RBMS3: variants seen among roughly 807,000 people sequenced by gnomAD.
RBMS3 encodes RNA binding motif single stranded interacting protein 3.
RBMS3 carries 27 observed loss-of-function variants against 66.8 expected under a neutral mutation model. The ratio of observed to expected loss-of-function variants is 0.40; its 90% CI spans 0.30 to 0.56. The LOEUF (loss-of-function observed/expected upper bound fraction) is 0.56, where lower values mean the gene tolerates loss of function less well. RBMS3 is among the 20% of genes least tolerant of loss of function. The pLI is 0.40. For missense variants in RBMS3, 513 were observed against 549.5 expected (o/e 0.93, Z 0.66); for synonymous variants, 188 against 183.0 (o/e 1.03, Z -0.22).
intron 5 of RBMS3, among the ~76,000 whole-genome samples, chr3:29,742,709 G>C (rs1020472621): frequency 2.6e-5 from 4 of 152,142 alleles, no homozygotes; most frequent in African/African-American, 9.7e-5. Context: ...CAAATGGATT[G>C]TACATTTCCT....
intron 1 of RBMS3, among the ~76,000 whole-genome samples, chr3:29,306,096 G>C (rs1439822924): frequency 6.6e-6 from 1 of 151,920 alleles, no homozygotes; most frequent in Non-Finnish European, 1.5e-5. Context: ...GAAAATCTCT[G>C]TTCTGAAAAT....
intron 4 of RBMS3, among the ~76,000 whole-genome samples, chr3:29,624,945 T>C (rs1190249673): frequency 6.6e-6 from 1 of 152,154 alleles, no homozygotes; most frequent in African/African-American, 2.4e-5. Context: ...GTAATCCCTA[T>C]GTGTTGAGGG....
intron 1 of RBMS3, among the ~76,000 whole-genome samples, chr3:29,360,142 G>T (rs2125578759): frequency 6.6e-6 from 1 of 152,138 alleles, no homozygotes; most frequent in Middle Eastern, 3.4e-3. Context: ...TGATGTTAGG[G>T]TGTCAATTTT....
chr3:29,872,808 A>G (rs1182241080), intron 7 of RBMS3, among the ~76,000 whole-genome samples: 1 of 152,170 alleles, frequency 6.6e-6, no homozygotes. Context: ...AATTTTCTGC[A>G]TATGGTGAGC....
intron 4 of RBMS3, among the ~76,000 whole-genome samples, chr3:29,731,273 G>C (rs1488407989): frequency 6.6e-6 from 1 of 152,182 alleles, no homozygotes; most frequent in Non-Finnish European, 1.5e-5. Context: ...TCCGAAATAA[G>C]TAAATGCTTC....
intron 1 of RBMS3, among the ~76,000 whole-genome samples, chr3:29,350,192 T>C (rs36064850): frequency 0.24 from 36,488 of 151,436 alleles, 4,898 homozygotes; most frequent in Non-Finnish European, 0.3. Context: ...GTTGTTCATT[T>C]TGAACATTTT....
intron 7 of RBMS3, among the ~76,000 whole-genome samples, chr3:29,871,547 T>C (rs1160130092): frequency 6.6e-6 from 1 of 152,112 alleles, no homozygotes; most frequent in African/African-American, 2.4e-5. Context: ...GGGGTGTTTG[T>C]TTTTGCTTGT....
intron 3 of RBMS3, among the ~76,000 whole-genome samples, chr3:29,540,019 C>G (rs2045700559): frequency 6.6e-6 from 1 of 152,000 alleles, no homozygotes; most frequent in African/African-American, 2.4e-5. Context: ...TATTCTGTTG[C>G]TTTTTTACTG....
intron 3 of RBMS3, among the ~76,000 whole-genome samples, chr3:29,575,510 T>C (rs942099755): frequency 7.2e-5 from 11 of 152,278 alleles, no homozygotes; most frequent in Admixed American, 4.6e-4. Context: ...TGGTGTTCTA[T>C]AACTTTCTTG....
chr3:29,401,230 C>T (rs1461445160), intron 1 of RBMS3, among the ~76,000 whole-genome samples: 3 of 152,024 alleles, frequency 2.0e-5, no homozygotes, highest in East Asian at 3.9e-4. Flanking sequence ...AATTTTCCCT[C>T]ATTTATTGTC....
At chr3:29,664,084 A>G (rs943311640) in intron 4 of RBMS3, among the ~76,000 whole-genome samples, 1 of 152,198 alleles carries the variant, frequency 6.6e-6, no homozygotes, top group Non-Finnish European at 1.5e-5. Flanking sequence ...ACTTCTGATC[A>G]TGAATTTCAC....
chr3:29,938,403 A>G (rs2061317350), intron 11 of RBMS3, among the ~76,000 whole-genome samples: 1 of 151,958 alleles, frequency 6.6e-6, no homozygotes, highest in South Asian at 2.1e-4. Context: ...TTCACCCTTT[A>G]CATTTGTTCT....
At chr3:29,421,981 T>C (rs2040758087) in intron 1 of RBMS3, among the ~76,000 whole-genome samples, 1 of 152,242 alleles carries the variant, frequency 6.6e-6, no homozygotes, top group Non-Finnish European at 1.5e-5. Flanking sequence ...TTAGGATTTA[T>C]GTGATAATAA....
chr3:29,286,789 A>G (rs1333737605), intron 1 of RBMS3, among the ~76,000 whole-genome samples: 1 of 152,090 alleles, frequency 6.6e-6, no homozygotes, highest in African/African-American at 2.4e-5. Context: ...GAGTTCAGTC[A>G]CAATTATGCC....
chr3:29,820,130 A>G (rs2058033923), intron 6 of RBMS3, among the ~76,000 whole-genome samples: 1 of 139,066 alleles, frequency 7.2e-6, no homozygotes, highest in Admixed American at 7.6e-5. Context: ...TGGAGATTGC[A>G]ATGAGCTGAG....
chr3:29,719,945 T>C (rs2053571702), intron 4 of RBMS3, among the ~76,000 whole-genome samples: 1 of 148,982 alleles, frequency 6.7e-6, no homozygotes, highest in African/African-American at 2.5e-5. Flanking sequence ...TTTTTTTTTT[T>C]AGGCAAATCA....
chr3:29,348,115 G>C (rs1270006621), intron 1 of RBMS3, among the ~76,000 whole-genome samples: 1 of 152,064 alleles, frequency 6.6e-6, no homozygotes, highest in African/African-American at 2.4e-5. Flanking sequence ...TAAATGACAA[G>C]TAAACAACAC....
intron 4 of RBMS3, among the ~76,000 whole-genome samples, chr3:29,652,619 G>T (rs2050185621): frequency 6.6e-6 from 1 of 151,968 alleles, no homozygotes; most frequent in Non-Finnish European, 1.5e-5. Context: ...ATTTCCTTTT[G>T]GAAGTTTCTA....
intron 4 of RBMS3, among the ~76,000 whole-genome samples, chr3:29,668,655 G>A (rs1332668379): frequency 6.6e-6 from 1 of 152,156 alleles, no homozygotes; most frequent in African/African-American, 2.4e-5. Flanking sequence ...GCACAAAAGG[G>A]TGGAATGAAG....
Sources: allele counts gnomAD v4.1 joint callset (sites outside exome capture counted in the v4.1 genomes callset), GRCh38; gene constraint gnomAD v4.1.1; transcripts MANE v1.5; gene names NCBI Gene and HGNC (gene_info 2026-07-23, HGNC 2026-07-21).